The following TRDN variants were observed in gnomAD, a reference collection of about 807,000 sequenced individuals.
The protein encoded by TRDN is triadin.
A neutral mutation model predicts 149.7 loss-of-function variants in TRDN; 161 were observed. The ratio of observed to expected loss-of-function variants is 1.08; its 90% CI spans 0.95 to 1.23. The LOEUF (loss-of-function observed/expected upper bound fraction) is 1.23, where lower values mean the gene tolerates loss of function less well. Ranked by LOEUF, TRDN falls within the 50% of genes most tolerant of loss-of-function variation. The pLI is 0.00. For missense variants in TRDN, 896 were observed against 823.5 expected, an observed-to-expected ratio of 1.09 and a Z score of -1.08; for synonymous variants, 294 against 250.5, an observed-to-expected ratio of 1.17 and a Z score of -1.64.
intron 13 of TRDN, 47 bp downstream of exon 13, chr6:123,393,577 A>C: frequency 6.5e-7 from 1 of 1,539,502 alleles, no homozygotes; most frequent in Non-Finnish European, 8.8e-7. Flanking sequence ...AAAGTGCTAT[A>C]GATGTTTAAA....
At chr6:123,323,887 C>T (rs1779348293) in intron 23 of TRDN, among the ~76,000 whole-genome samples, 1 of 152,208 alleles carries the variant, frequency 6.6e-6, no homozygotes, top group Non-Finnish European at 1.5e-5. Flanking sequence ...TTCCCTGAAG[C>T]TTCCCAGTGT....
At chr6:123,377,798 T>C (rs1781567415) in intron 17 of TRDN, 56 bp from the exon 18 acceptor site, 1 of 1,604,010 alleles carries the variant, frequency 6.2e-7, no homozygotes, top group South Asian at 1.1e-5. Context: ...CAATTGTAAT[T>C]CAGTATTCAA....
chr6:123,636,926 T>G lies in TRDN; in HGVS notation c.-151A>C. On this transcript the variant is annotated 5_prime_UTR_variant, in exon 1 of 41. Coordinates refer to ENST00000334268, the MANE Select transcript of TRDN (RefSeq NM_006073.4). ...GGCTGTTTCTGCTGCTTCTTTGTTG[T>G]CCTGTTGAACTTTGCCTCTCCTCTG... 1 of 860,616 alleles carries G rather than the reference T, an allele frequency of 1.2e-6. No individual in the cohort carries two copies. The highest frequency in any genetic ancestry group is 1.9e-6 in the Non-Finnish European group (1 of 538,786). 53.3% of individuals were successfully genotyped at this position (860,616 alleles called of 1,614,324 possible). A position where few individuals can be genotyped will look rare whatever the true frequency, so the allele number is the denominator to read the frequency against.
At chr6:123,633,229 G>C (rs1583354699) in intron 1 of TRDN, among the ~76,000 whole-genome samples, 1 of 152,142 alleles carries the variant, frequency 6.6e-6, no homozygotes, top group African/African-American at 2.4e-5. Flanking sequence ...GGAAGATAAA[G>C]GACTGTTTAT....
At chr6:123,310,967 AC>A (rs1399994935) in intron 24 of TRDN, among the ~76,000 whole-genome samples, 2 of 151,828 alleles carry the variant, frequency 1.3e-5, no homozygotes, top group Non-Finnish European at 2.9e-5. Flanking sequence ...AAATATACTA[AC>A]CCCCAAGGAC....
chr6:123,514,138 G>A lies in TRDN; in HGVS notation c.551-1776C>T, dbSNP rs544817311. ...CCAGCACTTTGGGAGGCTGAGGTGA[G>A]CAGATCACTTGAGTTCAGGAGTATG... On this transcript the variant is annotated intron_variant, in intron 6 of 40. Coordinates refer to ENST00000334268, the MANE Select transcript of TRDN (RefSeq NM_006073.4). 2.0e-5 allele frequency among the ~76,000 whole-genome samples: 3 copies of A among 152,266 alleles called. No homozygotes were observed. The East Asian group carries it at 5.8e-4, about 29-fold the overall frequency.
At chr6:123,460,325 T>G (rs1776375752) in intron 10 of TRDN, among the ~76,000 whole-genome samples, 1 of 152,144 alleles carries the variant, frequency 6.6e-6, no homozygotes, top group Admixed American at 6.6e-5. Flanking sequence ...AAATTAATGG[T>G]TTTTATATGT....
chr6:123,431,020 TC>T (rs1313914454), intron 12 of TRDN, among the ~76,000 whole-genome samples: 1 of 152,156 alleles, frequency 6.6e-6, no homozygotes, highest in Non-Finnish European at 1.5e-5. Flanking sequence ...TGTTGGAAAA[TC>T]TCTTATTCTC....
intron 22 of TRDN, among the ~76,000 whole-genome samples, chr6:123,337,283 A>G (rs921859058): frequency 6.6e-6 from 1 of 152,058 alleles, no homozygotes; most frequent in African/African-American, 2.4e-5. Flanking sequence ...TTAGGAATAG[A>G]AAGGAGAGAA....
chr6:123,302,353 T>C (rs1778458614), intron 24 of TRDN, among the ~76,000 whole-genome samples: 1 of 152,138 alleles, frequency 6.6e-6, no homozygotes. Context: ...TAGCTAAATA[T>C]GGGTTTATTT....
intron 24 of TRDN, among the ~76,000 whole-genome samples, chr6:123,289,144 T>C (rs1777910278): frequency 6.8e-6 from 1 of 147,076 alleles, no homozygotes; most frequent in African/African-American, 2.5e-5. Context: ...ATGTTATATA[T>C]ATTATATATA....
At chr6:123,313,110 G>T (rs1778894781) in intron 24 of TRDN, among the ~76,000 whole-genome samples, 1 of 151,894 alleles carries the variant, frequency 6.6e-6, no homozygotes, top group Admixed American at 6.6e-5. Flanking sequence ...TTAGATTCTT[G>T]TATTGTGTTT....
intron 1 of TRDN, among the ~76,000 whole-genome samples, chr6:123,571,587 T>C (rs1338864448): frequency 6.6e-6 from 1 of 152,124 alleles, no homozygotes; most frequent in African/African-American, 2.4e-5. Flanking sequence ...ACCTCTTTTA[T>C]TCCTGATTTT....
At position 123,530,500 on chromosome 6, in the gene TRDN, G is replaced by C. The variant is rs115773202; in HGVS notation, c.484+6C>G. 8.9e-6 allele frequency: 11 copies of C among 1,233,428 alleles called. No homozygotes were observed. The African/African-American group carries it at 1.7e-4, about 19-fold the overall frequency. The allele number at this position is 1,233,428 out of a possible 1,614,324, so 76.4% of individuals were successfully genotyped here. A position where few individuals can be genotyped will look rare whatever the true frequency, so the allele number is the denominator to read the frequency against. On this transcript the variant is annotated splice_donor_region_variant and intron_variant, in intron 5 of 40. Coordinates refer to ENST00000334268, the MANE Select transcript of TRDN (RefSeq NM_006073.4). ...ATGAAGAATAAACATAAAATGAAAT[G>C]TTTACCTTTAGTTTGTATTTTCCTT...
intron 1 of TRDN, among the ~76,000 whole-genome samples, chr6:123,574,372 A>G (rs373076975): frequency 1.3e-5 from 2 of 151,980 alleles, no homozygotes; most frequent in African/African-American, 4.8e-5. Flanking sequence ...GGTGCTCAAG[A>G]AGGAAAATTT....
At chr6:123,422,675 A>G (rs1290660432) in intron 12 of TRDN, among the ~76,000 whole-genome samples, 1 of 152,210 alleles carries the variant, frequency 6.6e-6, no homozygotes, top group Non-Finnish European at 1.5e-5. Context: ...GAATGGAATC[A>G]TTGCTGCTCA....
chr6:123,314,438 C>T (rs1172392924), intron 24 of TRDN, among the ~76,000 whole-genome samples: 5 of 151,878 alleles, frequency 3.3e-5, no homozygotes, highest in Non-Finnish European at 5.9e-5. Flanking sequence ...AACAGTGTGG[C>T]GATTCATCAA....
At chr6:123,287,119 A>C (rs1481993393) in intron 24 of TRDN, among the ~76,000 whole-genome samples, 7 of 152,088 alleles carry the variant, frequency 4.6e-5, no homozygotes, top group Non-Finnish European at 8.8e-5. Context: ...TAATGATGAA[A>C]TCTCACCAAT....
At chr6:123,554,606 G>A (rs1319237870) in intron 2 of TRDN, among the ~76,000 whole-genome samples, 3 of 152,172 alleles carry the variant, frequency 2.0e-5, no homozygotes, top group African/African-American at 2.4e-5. Flanking sequence ...TTAAATTACT[G>A]TGAAATTACT....
Sources: allele counts gnomAD v4.1 joint callset (sites outside exome capture counted in the v4.1 genomes callset), GRCh38; gene constraint gnomAD v4.1.1; transcripts MANE v1.5; gene names NCBI Gene and HGNC (gene_info 2026-07-23, HGNC 2026-07-21).